Variants in ACTR3C observed in about 807,000 individuals in gnomAD.
The protein encoded by ACTR3C is actin-related protein 3C.
A neutral mutation model predicts 26.3 loss-of-function variants in ACTR3C; 18 were observed. The ratio of observed to expected loss-of-function variants is 0.68; its 90% CI spans 0.47 to 1.01. The LOEUF (loss-of-function observed/expected upper bound fraction) is 1.01. ACTR3C is among the 50% of genes least tolerant of loss of function. ACTR3C has a pLI of 0.00. For synonymous variants in ACTR3C, 55 were observed against 94.5 expected (o/e 0.58, Z 2.42); for missense variants, 184 against 250.7 (o/e 0.73, Z 1.80).
intron 6 of ACTR3C, among the ~76,000 whole-genome samples, chr7:150,266,671 A>G (rs1247516845): frequency 1.3e-5 from 2 of 152,232 alleles, no homozygotes; most frequent in Non-Finnish European, 2.9e-5. Flanking sequence ...CAACACATAA[A>G]TCTGACAAAG....
the ACTR3C span, among the ~76,000 whole-genome samples, chr7:150,018,558 G>A: frequency 2.7e-5 from 4 of 149,742 alleles, no homozygotes; most frequent in Non-Finnish European, 4.4e-5. Flanking sequence ...ATGTTCTTTC[G>A]TGTGTCAAGC....
At chr7:150,181,512 T>C in the ACTR3C span, among the ~76,000 whole-genome samples, 16 of 150,574 alleles carry the variant, frequency 1.1e-4, 2 homozygotes, top group African/African-American at 3.3e-4. Context: ...TTACAATTGG[T>C]TGAGACCAGG....
At chr7:150,094,649 C>A in the ACTR3C span, among the ~76,000 whole-genome samples, 1 of 150,520 alleles carries the variant, frequency 6.6e-6, no homozygotes, top group East Asian at 1.9e-4. Flanking sequence ...TGCTCATATT[C>A]AATCCAGCAA....
the ACTR3C span, among the ~76,000 whole-genome samples, chr7:150,106,708 C>G: frequency 7.5e-6 from 1 of 132,700 alleles, no homozygotes; most frequent in East Asian, 2.0e-4. Flanking sequence ...TTCATAACTC[C>G]CTCATTGTAA....
At chr7:150,118,771 G>A in the ACTR3C span, among the ~76,000 whole-genome samples, 4 of 142,012 alleles carry the variant, frequency 2.8e-5, no homozygotes, top group Admixed American at 1.4e-4. Context: ...GCAACCCCAA[G>A]ATACATAATC....
intron 1 of ACTR3C, among the ~76,000 whole-genome samples, chr7:150,299,964 G>C (rs1217773128): frequency 6.6e-6 from 1 of 150,456 alleles, no homozygotes; most frequent in Non-Finnish European, 1.5e-5. Context: ...TAGTATTAGG[G>C]TTTTTTTTTA....
At chr7:150,019,462 C>T in the ACTR3C span, among the ~76,000 whole-genome samples, 9 of 148,912 alleles carry the variant, frequency 6.0e-5, no homozygotes, top group Admixed American at 4.0e-4. Context: ...CATGGTGATG[C>T]GTGCCTGTAG....
intron 6 of ACTR3C, among the ~76,000 whole-genome samples, chr7:150,260,726 T>TCCA (rs1168891997): frequency 6.6e-6 from 1 of 152,208 alleles, no homozygotes; most frequent in African/African-American, 2.4e-5. Flanking sequence ...AAGCTGTGCT[T>TCCA]ACCATCATTA....
the ACTR3C span, among the ~76,000 whole-genome samples, chr7:150,062,418 A>G: frequency 7.8e-6 from 1 of 127,858 alleles, no homozygotes. Flanking sequence ...CCAGTAGAGG[A>G]CAGACTCCTT....
the ACTR3C span, among the ~76,000 whole-genome samples, chr7:150,006,199 T>C: frequency 6.6e-6 from 1 of 150,742 alleles, no homozygotes; most frequent in East Asian, 1.9e-4. Context: ...TATTTATTTA[T>C]TTATTTATTT....
At chr7:150,224,644 G>A in the ACTR3C span, among the ~76,000 whole-genome samples, 1 of 152,232 alleles carries the variant, frequency 6.6e-6, no homozygotes, top group Non-Finnish European at 1.5e-5. Flanking sequence ...TGGCCTGAGG[G>A]AGTATTTGTC....
chr7:149,975,182 C>G, the ACTR3C span, among the ~76,000 whole-genome samples: 1 of 152,164 alleles, frequency 6.6e-6, no homozygotes, highest in Admixed American at 6.5e-5. Flanking sequence ...AGGTTGAAAT[C>G]AACTCACACA....
At chr7:150,291,760 T>G (rs554776383) in intron 3 of ACTR3C, among the ~76,000 whole-genome samples, 139 of 151,758 alleles carry the variant, frequency 9.2e-4, no homozygotes, top group Non-Finnish European at 1.6e-3. Flanking sequence ...CGCAGTTCTC[T>G]GAGGAAATGG....
At chr7:149,885,195 A>G in the ACTR3C span, among the ~76,000 whole-genome samples, 1 of 152,070 alleles carries the variant, frequency 6.6e-6, no homozygotes, top group Non-Finnish European at 1.5e-5. Context: ...TACCATTGAA[A>G]CCACTGCCCT....
chr7:150,165,709 T>A, the ACTR3C span, among the ~76,000 whole-genome samples: 1 of 151,978 alleles, frequency 6.6e-6, no homozygotes, highest in African/African-American at 2.4e-5. Context: ...TCTGAGGATT[T>A]CCCTCTTGTG....
At chr7:149,945,809 C>T in the ACTR3C span, among the ~76,000 whole-genome samples, 1 of 152,096 alleles carries the variant, frequency 6.6e-6, no homozygotes, top group Non-Finnish European at 1.5e-5. Flanking sequence ...TTAGGGACAA[C>T]CTTGCTATGC....
At chr7:149,909,105 G>A in the ACTR3C span, among the ~76,000 whole-genome samples, 3 of 151,198 alleles carry the variant, frequency 2.0e-5, no homozygotes, top group African/African-American at 4.9e-5. Context: ...TTTAACAACC[G>A]ACTAACCTCG....
At chr7:150,147,221 A>G in the ACTR3C span, among the ~76,000 whole-genome samples, 1 of 152,230 alleles carries the variant, frequency 6.6e-6, no homozygotes, top group Non-Finnish European at 1.5e-5. Context: ...ACGTGATTAT[A>G]GCCACAAAGA....
the ACTR3C span, among the ~76,000 whole-genome samples, chr7:149,945,069 G>T: frequency 6.6e-6 from 1 of 151,834 alleles, no homozygotes; most frequent in African/African-American, 2.4e-5. Flanking sequence ...TGTTGTTGTT[G>T]CCTTAGGTCA....
Sources: allele counts gnomAD v4.1 joint callset (sites outside exome capture counted in the v4.1 genomes callset), GRCh38; gene constraint gnomAD v4.1.1; transcripts MANE v1.5; gene names NCBI Gene and HGNC (gene_info 2026-07-23, HGNC 2026-07-21).